The following EYS variants were observed in gnomAD, a reference collection of about 807,000 sequenced individuals.
EYS encodes EGF-like photoreceptor maintenance factor.
A neutral mutation model predicts 282.1 loss-of-function variants in EYS; 250 were observed. The ratio of observed to expected loss-of-function variants is 0.89; its 90% CI spans 0.80 to 0.98. The LOEUF (loss-of-function observed/expected upper bound fraction) is 0.98, where lower values mean the gene tolerates loss of function less well. EYS is among the 50% of genes least tolerant of loss of function. EYS has a pLI of 0.00. For missense variants in EYS, 4,016 were observed against 3,709.0 expected (o/e 1.08, Z -2.15); for synonymous variants, 1,355 against 1,282.9 (o/e 1.06, Z -1.20).
At chr6:65,090,496 A>G (rs1246289440) in intron 12 of EYS, among the ~76,000 whole-genome samples, 1 of 152,170 alleles carries the variant, frequency 6.6e-6, no homozygotes, top group Non-Finnish European at 1.5e-5. Flanking sequence ...CACCAAATAC[A>G]GTAAGGTCTT....
chr6:64,972,307 AATGGC>A (rs577672493), intron 14 of EYS, among the ~76,000 whole-genome samples: 198 of 152,300 alleles, frequency 1.3e-3, no homozygotes, highest in African/African-American at 4.6e-3. Context: ...AACTAAAGCA[AATGGC>A]AGGAGAAGGA....
At chr6:65,196,278 T>A (rs935030109) in intron 12 of EYS, among the ~76,000 whole-genome samples, 2 of 152,066 alleles carry the variant, frequency 1.3e-5, no homozygotes, top group Admixed American at 1.3e-4. Context: ...AGGAATACAT[T>A]ATACTTTTCA....
intron 16 of EYS, among the ~76,000 whole-genome samples, chr6:64,910,188 T>A (rs1184414990): frequency 3.3e-5 from 5 of 152,130 alleles, no homozygotes; most frequent in Admixed American, 2.0e-4. Flanking sequence ...TTCTTTGTAG[T>A]TCTAAATGTT....
intron 19 of EYS, among the ~76,000 whole-genome samples, chr6:64,827,891 T>TA (rs537417057): frequency 2.8e-4 from 42 of 151,408 alleles, no homozygotes; most frequent in Non-Finnish European, 1.0e-4. Context: ...TTATGAAATG[T>TA]AAAAAAAATC....
chr6:65,350,241 C>T (rs1266801141), intron 9 of EYS, among the ~76,000 whole-genome samples: 2 of 151,156 alleles, frequency 1.3e-5, no homozygotes, highest in East Asian at 3.9e-4. Context: ...GAAGGTAGAA[C>T]AATATACTAA....
At chr6:65,129,378 T>C (rs1775803760) in intron 12 of EYS, among the ~76,000 whole-genome samples, 2 of 151,798 alleles carry the variant, frequency 1.3e-5, no homozygotes, top group Non-Finnish European at 2.9e-5. Flanking sequence ...ATAGAATAAA[T>C]AGACAACCTA....
intron 2 of EYS, among the ~76,000 whole-genome samples, chr6:65,508,627 C>T (rs1195545915): frequency 6.8e-6 from 1 of 147,440 alleles, no homozygotes; most frequent in Non-Finnish European, 1.5e-5. Flanking sequence ...CACGCCACTG[C>T]ACTCCAGCCT....
At chr6:64,027,971 T>A (rs1394463194) in intron 33 of EYS, among the ~76,000 whole-genome samples, 1 of 152,208 alleles carries the variant, frequency 6.6e-6, no homozygotes, top group Non-Finnish European at 1.5e-5. Context: ...CAAGGTCCAT[T>A]ACCATCTGAG....
chr6:65,661,425 AT>A (rs1426412407), intron 1 of EYS, among the ~76,000 whole-genome samples: 1 of 152,004 alleles, frequency 6.6e-6, no homozygotes, highest in Non-Finnish European at 1.5e-5. Flanking sequence ...AACAGAGTAA[AT>A]TTGCACAAGG....
chr6:64,265,844 A>AT (rs1767740415), intron 30 of EYS, among the ~76,000 whole-genome samples: 1 of 152,120 alleles, frequency 6.6e-6, no homozygotes, highest in Non-Finnish European at 1.5e-5. Context: ...TATTTAGAGC[A>AT]TTGCCTTGAT....
chr6:65,113,451 T>C (rs2350521), intron 12 of EYS, among the ~76,000 whole-genome samples: 39,684 of 151,708 alleles, frequency 0.26, 6,351 homozygotes, highest in African/African-American at 0.45. Context: ...CACATAATAA[T>C]GCTTTTGACC....
At chr6:63,989,046 A>C (rs75951689) in intron 34 of EYS, among the ~76,000 whole-genome samples, 2 of 151,594 alleles carry the variant, frequency 1.3e-5, no homozygotes, top group African/African-American at 4.8e-5. Context: ...ATCCTGATTT[A>C]ATGTTTACTT....
intron 20 of EYS, among the ~76,000 whole-genome samples, chr6:64,821,978 G>T (rs1764913773): frequency 6.6e-6 from 1 of 152,038 alleles, no homozygotes; most frequent in Non-Finnish European, 1.5e-5. Context: ...TAAAAAGTAT[G>T]TCTAGGGCTT....
intron 12 of EYS, among the ~76,000 whole-genome samples, chr6:65,083,865 A>T (rs114987036): frequency 0.01 from 1,547 of 151,890 alleles, 25 homozygotes; most frequent in Non-Finnish European, 0.017. Context: ...TCTGAAGGTG[A>T]TAATTTTATA....
At chr6:64,644,922 G>T (rs540021648) in intron 22 of EYS, among the ~76,000 whole-genome samples, 2 of 152,180 alleles carry the variant, frequency 1.3e-5, no homozygotes, top group Non-Finnish European at 2.9e-5. Context: ...TGCAGCATCA[G>T]CATGTCAGCT....
chr6:65,102,677 C>G (rs1055704597), intron 12 of EYS, among the ~76,000 whole-genome samples: 1 of 151,000 alleles, frequency 6.6e-6, no homozygotes, highest in Non-Finnish European at 1.5e-5. Context: ...TAATTTCACA[C>G]AGAGAAATAA....
intron 15 of EYS, among the ~76,000 whole-genome samples, chr6:64,930,583 C>T (rs1286291500): frequency 6.6e-6 from 1 of 151,336 alleles, no homozygotes; most frequent in Non-Finnish European, 1.5e-5. Context: ...TATTAAATGT[C>T]AGACTTTTTC....
intron 36 of EYS, among the ~76,000 whole-genome samples, chr6:63,812,266 C>T (rs1211330474): frequency 1.3e-5 from 2 of 152,192 alleles, no homozygotes; most frequent in South Asian, 2.1e-4. Context: ...CAGTTCAAGG[C>T]TTCTGCTCCT....
intron 28 of EYS, among the ~76,000 whole-genome samples, chr6:64,425,135 G>A (rs764250359): frequency 2.6e-5 from 4 of 152,166 alleles, no homozygotes; most frequent in African/African-American, 7.2e-5. Flanking sequence ...GAGGAAGTCA[G>A]GTATTGGGTG....
Sources: allele counts gnomAD v4.1 joint callset (sites outside exome capture counted in the v4.1 genomes callset), GRCh38; gene constraint gnomAD v4.1.1; transcripts MANE v1.5; gene names NCBI Gene and HGNC (gene_info 2026-07-23, HGNC 2026-07-21).